ADCY7: variants seen among roughly 807,000 people sequenced by gnomAD.
ADCY7 encodes adenylate cyclase 7.
Under a neutral mutation model 120.6 loss-of-function variants are expected in ADCY7, and 72 were observed. The observed-to-expected ratio is 0.60, with a 90% CI of 0.49 to 0.73. ADCY7 has a LOEUF of 0.73. ADCY7 is among the 30% of genes least tolerant of loss of function. ADCY7 has a pLI of 0.00. For missense variants in ADCY7, 1,227 were observed against 1,486.0 expected, an observed-to-expected ratio of 0.83 and a Z score of 2.87; for synonymous variants, 661 against 628.0, an observed-to-expected ratio of 1.05 and a Z score of -0.78.
intron 25 of ADCY7, 82 bp downstream of exon 25, chr16:50,315,220 G>C (rs2036740009): frequency 1.9e-6 from 3 of 1,581,612 alleles, no homozygotes; most frequent in Non-Finnish European, 2.6e-6. Context: ...AAGAGCTGCT[G>C]TCTCACCCAG....
In ADCY7 at chr16:50,305,860, CCA is replaced by C. The variant is rs2036029782; in HGVS notation, c.1752+12_1752+13del. ...GGCTTTGAGCGCGAGGTGAGGGCCCCCAGCAGCCTCCTCCGCAGAGGGACGGG... is the reference window on the plus strand; with the variant it reads ...GGCTTTGAGCGCGAGGTGAGGGCCCCGCAGCCTCCTCCGCAGAGGGACGGG... On this transcript the variant is annotated intron_variant, in intron 14 of 25. Transcript: ENST00000673801. 1.2e-6 allele frequency: 2 copies of C among 1,613,322 alleles called. No homozygotes were observed. Among genetic ancestry groups the C allele is most frequent in the Non-Finnish European group, 1.7e-6 (2 of 1,179,702 alleles).
chr16:50,305,943 C>T, intron 14 of ADCY7, 94 bp downstream of exon 14: 1 of 1,271,294 alleles, frequency 7.9e-7, no homozygotes, highest in South Asian at 1.2e-5. Flanking sequence ...CCTGCGTTCC[C>T]AAGACCGGCT....
rs1393546031 is a variant in ADCY7, at chr16:50,318,070, A to G, written c.*2565A>G. 2.0e-5 allele frequency: 3 copies of G among 152,304 alleles called. No individual in the cohort carries two copies. Among genetic ancestry groups the G allele is most frequent in the African/African-American group, 7.2e-5 (3 of 41,458 alleles). 9.4% of individuals were successfully genotyped at this position (152,304 alleles called of 1,614,324 possible). On this transcript the variant is annotated 3_prime_UTR_variant, in exon 26 of 26. Transcript: ENST00000673801. ...AACATTTGTTTCAAAATGCTGTTTC[A>G]TTTTTATAAAGTACCAGTGTTTAGC...
chr16:50,263,312 T>G (rs1567530543), upstream of ADCY7, among the ~76,000 whole-genome samples: 1 of 150,334 alleles, frequency 6.7e-6, no homozygotes, highest in Non-Finnish European at 1.5e-5. Flanking sequence ...GCGTGAGGGG[T>G]GGGGTGTCAA....
At chr16:50,307,241 G>A in intron 15 of ADCY7, 94 bp downstream of exon 15, 4 of 1,263,026 alleles carry the variant, frequency 3.2e-6, no homozygotes, top group African/African-American at 1.5e-5. Flanking sequence ...ATTTGGGCTG[G>A]AAGGGGTCGG....
chr16:50,286,867 G>A (rs1210698232), intron 1 of ADCY7, among the ~76,000 whole-genome samples: 1 of 152,194 alleles, frequency 6.6e-6, no homozygotes, highest in Non-Finnish European at 1.5e-5. Context: ...CATACCCAGA[G>A]TGAATCGAAA....
chr16:50,282,142 T>A (rs1042952636), intron 1 of ADCY7, among the ~76,000 whole-genome samples: 7 of 152,312 alleles, frequency 4.6e-5, no homozygotes, highest in Admixed American at 1.3e-4. Flanking sequence ...CTGCTGAGGC[T>A]CGGCCGGAGG....
At chr16:50,268,294 G>A (rs1007469031) in intron 1 of ADCY7, among the ~76,000 whole-genome samples, 5 of 152,004 alleles carry the variant, frequency 3.3e-5, no homozygotes, top group African/African-American at 1.2e-4. Context: ...AAGTAAAGAC[G>A]GGGTTTCACC....
chr16:50,314,569 T>A (rs1052376675), intron 24 of ADCY7, 163 bp downstream of exon 24: 6 of 597,942 alleles, frequency 1.0e-5, no homozygotes, highest in Non-Finnish European at 1.8e-5. Flanking sequence ...GTTTTGCATA[T>A]AGTTAGCATA....
At chr16:50,304,787 AGGATGTCTGTGGCTT>A in intron 11 of ADCY7, 123 bp from the exon 12 acceptor site, 1 of 1,222,086 alleles carries the variant, frequency 8.2e-7, no homozygotes, top group Non-Finnish European at 1.2e-6. Flanking sequence ...AGCTATAGTC[AGGATGTCTGTGGCTT>A]GGACGACCCC....
chr16:50,266,141 A>G (rs1348206275), upstream of ADCY7, among the ~76,000 whole-genome samples: 1 of 151,904 alleles, frequency 6.6e-6, no homozygotes, highest in Non-Finnish European at 1.5e-5. Context: ...ACCTTACTAC[A>G]TAGATAGGGA....
intron 10 of ADCY7, among the ~76,000 whole-genome samples, chr16:50,302,418 C>T (rs1340362666): frequency 6.6e-6 from 1 of 152,214 alleles, no homozygotes; most frequent in Non-Finnish European, 1.5e-5. Context: ...TCCACCCCCG[C>T]AGGCTGCCAG....
chr16:50,309,486 A>C, intron 17 of ADCY7, 62 bp from the exon 18 acceptor site: 2 of 1,431,356 alleles, frequency 1.4e-6, no homozygotes, highest in Non-Finnish European at 9.8e-7. Context: ...CCCACCTTGC[A>C]TGGCTTGGGC....
chr16:50,314,447 C>A, intron 24 of ADCY7, 41 bp downstream of exon 24: 1 of 1,496,620 alleles, frequency 6.7e-7, no homozygotes, highest in East Asian at 2.3e-5. Flanking sequence ...GCCCCTGCCT[C>A]TAGGCCAGTC....
At chr16:50,279,325 C>T (rs1321605661) in intron 1 of ADCY7, among the ~76,000 whole-genome samples, 1 of 152,226 alleles carries the variant, frequency 6.6e-6, no homozygotes, top group Non-Finnish European at 1.5e-5. Flanking sequence ...CCATGGCCAG[C>T]TGGACTTCCC....
intron 1 of ADCY7, among the ~76,000 whole-genome samples, chr16:50,271,340 C>T (rs983095343): frequency 5.3e-5 from 8 of 152,172 alleles, no homozygotes; most frequent in African/African-American, 1.9e-4. Context: ...CTCCTGGGCT[C>T]AAGAGAGCCT....
rs1358896623 is a variant in ADCY7, at chr16:50,311,798, GGCCCCC to G, written c.2448+13_2448+18del. 7.5e-7 allele frequency: 1 copy of G among 1,331,852 alleles called. No individual in the cohort carries two copies. The highest frequency in any genetic ancestry group is 1.0e-6 in the Non-Finnish European group (1 of 994,236). The allele number at this position is 1,331,852 out of a possible 1,614,324, so 82.5% of individuals were successfully genotyped here. A position where few individuals can be genotyped will look rare whatever the true frequency, so the allele number is the denominator to read the frequency against. ...CACTCTCCAGACAGGTAAGGAGGCT[GGCCCCC>G]CCCCCCCCCCCAAGCTCTGCCCACT... On this transcript the variant is annotated intron_variant, in intron 20 of 25. Transcript: ENST00000673801.
intron 1 of ADCY7, among the ~76,000 whole-genome samples, chr16:50,282,018 G>A (rs978785687): frequency 6.6e-6 from 1 of 152,192 alleles, no homozygotes; most frequent in African/African-American, 2.4e-5. Context: ...CAGGCAGGGT[G>A]TGGGCCCAGG....
At chr16:50,257,867 C>T (rs1171700477) in intron 1 of ADCY7, among the ~76,000 whole-genome samples, 1 of 151,848 alleles carries the variant, frequency 6.6e-6, no homozygotes, top group Non-Finnish European at 1.5e-5. Context: ...CTCAGCCTCC[C>T]TAATAGCTGG....
Sources: allele counts gnomAD v4.1 joint callset (sites outside exome capture counted in the v4.1 genomes callset), GRCh38; gene constraint gnomAD v4.1.1; transcripts MANE v1.5; gene names NCBI Gene and HGNC (gene_info 2026-07-23, HGNC 2026-07-21).